Variants in CSMD1 observed in about 807,000 individuals in gnomAD.
CSMD1 encodes the protein CUB and sushi domain-containing protein 1.
Under a neutral mutation model 417.5 loss-of-function variants are expected in CSMD1, and 213 were observed. The ratio of observed to expected loss-of-function variants is 0.51; its 90% confidence interval spans 0.46 to 0.57. The LOEUF is 0.57. CSMD1 is among the 20% of genes least tolerant of loss of function. CSMD1 has a pLI of 0.00. For missense variants in CSMD1, 6,923 were observed against 4,529.7 expected (o/e 1.53, Z -15.17); for synonymous variants, 2,862 against 1,736.8 (o/e 1.65, Z -16.11).
chr8:4,724,805 T>C (rs751627093), intron 1 of CSMD1, among the ~76,000 whole-genome samples: 25 of 152,112 alleles, frequency 1.6e-4, no homozygotes, highest in Non-Finnish European at 3.2e-4. Context: ...ATGAATCAAG[T>C]TGATATATTC....
At chr8:3,214,843 G>A (rs566063900) in intron 29 of CSMD1, among the ~76,000 whole-genome samples, 152 bp from the exon 30 acceptor site, 3 of 152,120 alleles carry the variant, frequency 2.0e-5, no homozygotes, top group African/African-American at 7.2e-5. Context: ...TTTATTGATT[G>A]GCTATTGACC....
chr8:3,235,274 C>T (rs1228306858), intron 26 of CSMD1, among the ~76,000 whole-genome samples: 1 of 152,032 alleles, frequency 6.6e-6, no homozygotes, highest in Non-Finnish European at 1.5e-5. Flanking sequence ...ATTTTTAAAA[C>T]CAAGATGTTT....
intron 23 of CSMD1, among the ~76,000 whole-genome samples, chr8:3,332,015 AATAG>A (rs1806930991): frequency 6.6e-6 from 1 of 152,224 alleles, no homozygotes; most frequent in African/African-American, 2.4e-5. Flanking sequence ...ATACATATGT[AATAG>A]ATGGATATAG....
intron 1 of CSMD1, among the ~76,000 whole-genome samples, chr8:4,794,588 C>G (rs994890102): frequency 5.3e-5 from 8 of 152,116 alleles, no homozygotes; most frequent in African/African-American, 1.9e-4. Flanking sequence ...CTTCTCTCAC[C>G]CCTCACACGC....
At chr8:3,770,320 G>T (rs1402029911) in intron 5 of CSMD1, among the ~76,000 whole-genome samples, 1 of 152,144 alleles carries the variant, frequency 6.6e-6, no homozygotes, top group Non-Finnish European at 1.5e-5. Context: ...CACAAGATCA[G>T]GAGTTCAAGA....
chr8:3,905,531 T>C (rs545257767), intron 5 of CSMD1, among the ~76,000 whole-genome samples: 9 of 152,230 alleles, frequency 5.9e-5, no homozygotes, highest in African/African-American at 2.2e-4. Context: ...TTCTCAACAT[T>C]CAGCATGCAT....
chr8:4,676,707 A>C (rs895425708), intron 1 of CSMD1, among the ~76,000 whole-genome samples: 1 of 152,044 alleles, frequency 6.6e-6, no homozygotes, highest in African/African-American at 2.4e-5. Context: ...GTCACGTCAT[A>C]GTTTGTGTTT....
intron 5 of CSMD1, among the ~76,000 whole-genome samples, chr8:3,788,323 G>C (rs992210480): frequency 6.6e-6 from 1 of 152,038 alleles, no homozygotes; most frequent in African/African-American, 2.4e-5. Flanking sequence ...ATAAATTAAG[G>C]GATGGGCTTT....
intron 5 of CSMD1, among the ~76,000 whole-genome samples, chr8:3,758,866 G>A (rs1272009827): frequency 1.3e-5 from 2 of 152,134 alleles, no homozygotes; most frequent in Admixed American, 6.5e-5. Context: ...TGGGCCCAAT[G>A]TAATGAAAAA....
In CSMD1 at chr8:3,200,568, T is replaced by A. The variant is rs143789489; in HGVS notation, c.5099-759A>T. 7.2e-3 allele frequency among the ~76,000 whole-genome samples: 1,079 copies of A among 150,068 alleles called. 9 individuals carry two copies. The highest frequency in any genetic ancestry group is 0.023 in the East Asian group (119 of 5,124). The stretch of plus-strand genomic sequence containing the variant: ...AGTGAGACTTTGTCTCAAAAAAAAA[T>A]AATAATAATAATAATAAAATAAAAA... On this transcript the variant is annotated intron_variant, in intron 32 of 69. Coordinates refer to ENST00000635120, the MANE Select transcript of CSMD1 (RefSeq NM_033225.6).
At chr8:4,239,767 C>A (rs1283718659) in intron 3 of CSMD1, among the ~76,000 whole-genome samples, 3 of 152,128 alleles carry the variant, frequency 2.0e-5, no homozygotes, top group Non-Finnish European at 4.4e-5. Context: ...TGACAATGGT[C>A]TATCTTTCAC....
chr8:4,106,428 C>T (rs58147384), intron 3 of CSMD1, among the ~76,000 whole-genome samples: 6,068 of 152,198 alleles, frequency 0.04, 425 homozygotes, highest in African/African-American at 0.14. Flanking sequence ...CCATATCAAA[C>T]TCTATAGAAT....
intron 2 of CSMD1, 104 bp downstream of exon 2, chr8:4,637,238 G>A: frequency 1.9e-6 from 2 of 1,035,424 alleles, no homozygotes; most frequent in Non-Finnish European, 2.8e-6. Context: ...CCACCGGAAG[G>A]AACCAACTCC....
In CSMD1 at chr8:2,994,844, T is replaced by C. The variant is rs896107622; in HGVS notation, c.8377+3167A>G. ...ATAAATTACCATATTAAAACCAATA[T>C]CTCTTGAATATCCATAGGTTAAAAA... is the stretch of plus-strand genomic sequence containing the variant. On this transcript the variant is annotated intron_variant, in intron 54 of 69. Transcript: ENST00000635120. Among the ~76,000 whole-genome samples, 4 of 152,182 alleles carry C rather than the reference T, an allele frequency of 2.6e-5. No homozygotes were observed. The East Asian group carries it at 7.7e-4, about 29-fold the overall frequency.
intron 3 of CSMD1, among the ~76,000 whole-genome samples, chr8:4,131,417 C>G (rs1488970359): frequency 6.6e-6 from 1 of 152,128 alleles, no homozygotes; most frequent in African/African-American, 2.4e-5. Context: ...TTTGTACCAC[C>G]TCTCTCTCAA....
At chr8:4,742,277 G>T (rs761204243) in intron 1 of CSMD1, among the ~76,000 whole-genome samples, 5 of 151,408 alleles carry the variant, frequency 3.3e-5, no homozygotes, top group African/African-American at 9.7e-5. Flanking sequence ...TGATCCACCC[G>T]CCTCGGCCTC....
intron 26 of CSMD1, among the ~76,000 whole-genome samples, chr8:3,237,872 A>G (rs62504969): frequency 2.8e-4 from 2 of 7,266 alleles, no homozygotes; most frequent in African/African-American, 6.6e-4. Flanking sequence ...AATTTTTATA[A>G]TTATACTATA....
chr8:4,954,869 T>C (rs899881583), intron 1 of CSMD1, among the ~76,000 whole-genome samples: 9 of 152,232 alleles, frequency 5.9e-5, no homozygotes, highest in African/African-American at 1.9e-4. Context: ...TACTAACTCA[T>C]AACTTCAGGA....
intron 7 of CSMD1, among the ~76,000 whole-genome samples, chr8:3,679,199 G>A (rs1449916293): frequency 2.6e-5 from 4 of 152,222 alleles, no homozygotes; most frequent in East Asian, 1.9e-4. Context: ...AACCTTAAAT[G>A]CAAATGGGCT....
Sources: gnomAD v4.1 joint callset for allele counts (sites outside exome capture counted in the v4.1 genomes callset) on GRCh38, gnomAD v4.1.1 for gene constraint, MANE v1.5 for transcripts, NCBI Gene and HGNC (gene_info 2026-07-23, HGNC 2026-07-21) for gene names.